Variants in SLC35F1 observed in about 807,000 individuals in gnomAD.
The protein encoded by SLC35F1 is solute carrier family 35 member F1, also known as chromosome 6 open reading frame 169.
Under a neutral mutation model 48.7 loss-of-function variants are expected in SLC35F1, and 14 were observed. That is an observed-to-expected ratio of 0.29 (90% CI 0.19 to 0.45). The LOEUF (loss-of-function observed/expected upper bound fraction) is 0.45. Among genes scored for constraint, SLC35F1 ranks in the 20% least tolerant of loss-of-function variants. The pLI, the probability that SLC35F1 is intolerant of heterozygous loss-of-function variation, is 1.00. For missense variants in SLC35F1, 404 were observed against 500.0 expected (o/e 0.81, Z 1.83); for synonymous variants, 190 against 202.2 (o/e 0.94, Z 0.51).
At chr6:118,106,189 C>T (rs894485325) in intron 1 of SLC35F1, among the ~76,000 whole-genome samples, 5 of 152,146 alleles carry the variant, frequency 3.3e-5, no homozygotes, top group Non-Finnish European at 7.3e-5. Context: ...AGCACACCCT[C>T]CTCATAACTA....
chr6:118,017,851 T>C (rs1777343092), intron 1 of SLC35F1, among the ~76,000 whole-genome samples: 1 of 152,216 alleles, frequency 6.6e-6, no homozygotes, highest in Non-Finnish European at 1.5e-5. Flanking sequence ...AAGAAGTCAA[T>C]GGACCTTATC....
At chr6:117,923,865 T>C (rs997034841) in intron 1 of SLC35F1, among the ~76,000 whole-genome samples, 1 of 142,348 alleles carries the variant, frequency 7.0e-6, no homozygotes, top group African/African-American at 2.7e-5. Flanking sequence ...TATATGTGTG[T>C]ACATATATAC....
At chr6:118,179,034 T>A (rs1321931463) in intron 2 of SLC35F1, among the ~76,000 whole-genome samples, 2 of 152,112 alleles carry the variant, frequency 1.3e-5, no homozygotes, top group Non-Finnish European at 2.9e-5. Context: ...TTCCCCTGAG[T>A]TAAATCTATG....
At chr6:118,074,225 C>T (rs1772784409) in intron 1 of SLC35F1, among the ~76,000 whole-genome samples, 1 of 152,216 alleles carries the variant, frequency 6.6e-6, no homozygotes, top group South Asian at 2.1e-4. Flanking sequence ...ATGTTTCTTT[C>T]AAATTCACTA....
chr6:118,150,558 C>G (rs1774041084), intron 1 of SLC35F1, among the ~76,000 whole-genome samples: 1 of 152,100 alleles, frequency 6.6e-6, no homozygotes, highest in Non-Finnish European at 1.5e-5. Flanking sequence ...TGCAGGAATC[C>G]ATGTCATAGC....
intron 1 of SLC35F1, among the ~76,000 whole-genome samples, chr6:117,912,476 A>C (rs1775775529): frequency 6.6e-6 from 1 of 152,212 alleles, no homozygotes; most frequent in Non-Finnish European, 1.5e-5. Flanking sequence ...CAGTTGGTGG[A>C]AACATATAAT....
chr6:118,268,064 A>G (rs1775800683), intron 4 of SLC35F1, among the ~76,000 whole-genome samples: 1 of 152,200 alleles, frequency 6.6e-6, no homozygotes, highest in Admixed American at 6.5e-5. Context: ...TCTTTATGAG[A>G]CAAGGTCACG....
At chr6:118,073,004 TC>T in intron 1 of SLC35F1, among the ~76,000 whole-genome samples, 4 of 152,314 alleles carry the variant, frequency 2.6e-5, no homozygotes, top group Admixed American at 2.6e-4. Flanking sequence ...GTATAACTAC[TC>T]CCCATACAAT....
intron 1 of SLC35F1, among the ~76,000 whole-genome samples, chr6:118,010,713 C>G (rs1777233397): frequency 6.6e-6 from 1 of 152,122 alleles, no homozygotes; most frequent in African/African-American, 2.4e-5. Context: ...CTCCCAGAAA[C>G]TCAAAATTCT....
chr6:118,300,276 C>A (rs113487751), intron 7 of SLC35F1, among the ~76,000 whole-genome samples: 8 of 152,022 alleles, frequency 5.3e-5, no homozygotes, highest in African/African-American at 1.9e-4. Context: ...AATCTAGAGC[C>A]GATTTAAAGT....
intron 1 of SLC35F1, among the ~76,000 whole-genome samples, chr6:117,989,973 G>A (rs1776895422): frequency 6.6e-6 from 1 of 151,942 alleles, no homozygotes; most frequent in Non-Finnish European, 1.5e-5. Context: ...TATATTTTTT[G>A]GTAGCAGAGC....
intron 1 of SLC35F1, among the ~76,000 whole-genome samples, chr6:118,105,020 G>T (rs1773309831): frequency 6.6e-6 from 1 of 152,096 alleles, no homozygotes; most frequent in South Asian, 2.1e-4. Context: ...ACTGCATCTG[G>T]GTTTCTCTTG....
intron 4 of SLC35F1, among the ~76,000 whole-genome samples, chr6:118,273,939 C>T (rs1775889133): frequency 6.6e-6 from 1 of 152,184 alleles, no homozygotes; most frequent in African/African-American, 2.4e-5. Flanking sequence ...AAAAGTGGCA[C>T]CATTTAGAGA....
chr6:118,089,809 T>A (rs1173678947), intron 1 of SLC35F1, among the ~76,000 whole-genome samples: 3 of 152,190 alleles, frequency 2.0e-5, no homozygotes, highest in Non-Finnish European at 4.4e-5. Context: ...AGTCCCCAGA[T>A]AATCATCAGC....
At chr6:118,017,337 C>T (rs1312672433) in intron 1 of SLC35F1, among the ~76,000 whole-genome samples, 2 of 151,914 alleles carry the variant, frequency 1.3e-5, no homozygotes, top group Non-Finnish European at 2.9e-5. Flanking sequence ...GACAGGAAAA[C>T]TTTTTTTTGT....
At chr6:118,154,210 T>C (rs991536655) in intron 1 of SLC35F1, among the ~76,000 whole-genome samples, 3 of 152,190 alleles carry the variant, frequency 2.0e-5, no homozygotes, top group African/African-American at 7.2e-5. Context: ...TGCCACTTCC[T>C]AGTTACATGA....
intron 1 of SLC35F1, among the ~76,000 whole-genome samples, chr6:117,973,278 T>A (rs1776666472): frequency 6.6e-6 from 1 of 152,176 alleles, no homozygotes; most frequent in African/African-American, 2.4e-5. Context: ...CCACATGACC[T>A]CATTTTACCT....
intron 2 of SLC35F1, among the ~76,000 whole-genome samples, chr6:118,191,257 G>T (rs58059207): frequency 0.024 from 3,581 of 152,186 alleles, 146 homozygotes; most frequent in African/African-American, 0.082. Flanking sequence ...AAAGTATAAG[G>T]TTATCTATGT....
intron 1 of SLC35F1, among the ~76,000 whole-genome samples, chr6:118,151,166 G>A (rs554000408): frequency 6.6e-5 from 10 of 152,128 alleles, no homozygotes; most frequent in Non-Finnish European, 1.3e-4. Flanking sequence ...AACCACTTCC[G>A]ACTCCAGTGA....
Sources: allele counts gnomAD v4.1 joint callset (sites outside exome capture counted in the v4.1 genomes callset), GRCh38; gene constraint gnomAD v4.1.1; transcripts MANE v1.5; gene names NCBI Gene and HGNC (gene_info 2026-07-23, HGNC 2026-07-21).